SNRNP70: variants seen among roughly 807,000 people sequenced by gnomAD.
SNRNP70 encodes the protein small nuclear ribonucleoprotein U1 subunit 70.
In SNRNP70, 8 loss-of-function variants were observed where a neutral mutation model predicts 50.5. The ratio of observed to expected loss-of-function variants is 0.16; its 90% CI spans 0.09 to 0.29. SNRNP70 has a LOEUF of 0.29. SNRNP70 is among the 10% of genes least tolerant of loss of function. The pLI, the probability that SNRNP70 is intolerant of heterozygous loss-of-function variation, is 1.00. For synonymous variants in SNRNP70, 320 were observed against 252.9 expected (o/e 1.27, Z -2.52); for missense variants, 529 against 663.5 (o/e 0.80, Z 2.23).
chr19:49,100,130 T>G (rs974384332), intron 6 of SNRNP70, among the ~76,000 whole-genome samples: 7 of 152,208 alleles, frequency 4.6e-5, no homozygotes, highest in Admixed American at 2.6e-4. Flanking sequence ...AATGGCGAAC[T>G]AGCCATCCTT....
At chr19:49,094,989 C>G (rs962365940) in intron 4 of SNRNP70, among the ~76,000 whole-genome samples, 3 of 152,244 alleles carry the variant, frequency 2.0e-5, no homozygotes, top group East Asian at 3.8e-4. Flanking sequence ...AGCCCTCAAC[C>G]AGTGATGTCC....
rs558435915 is a variant in SNRNP70 at position 49,105,649 on chromosome 19, C to T, written c.577+914C>T. The stretch of plus-strand genomic sequence containing the variant: ...GGCTGAGGCAGAGAATTGCTTAAAC[C>T]TGGGAGGCAGAGGTTGCAGTGAGCC... On this transcript the variant is annotated intron_variant, in intron 8 of 9. Transcript: ENST00000598441. Among the ~76,000 whole-genome samples, 14 of 152,204 alleles carry T rather than the reference C, an allele frequency of 9.2e-5. No individual in the cohort carries two copies. The South Asian group carries it at 2.9e-3, about 32-fold the overall frequency.
chr19:49,087,689 A>G (rs184607822), intron 2 of SNRNP70: 115 of 152,336 alleles, frequency 7.5e-4, no homozygotes, highest in Admixed American at 4.1e-3. Context: ...CACAGTCGGA[A>G]GTTACAAGAA....
Position 49,107,982 on chromosome 19 carries a change from G to T in SNRNP70, c.853G>T (p.Asp285Tyr). ...CTCCAGGGAGCGGAGCAAGGACAAGGACCGGGACCGGAAGCGGCGAAGCAG... is the reference window on the plus strand; with the variant it reads ...CTCCAGGGAGCGGAGCAAGGACAAGTACCGGGACCGGAAGCGGCGAAGCAG... ...RRSRERSKDKDRDRKRRSSRS... is the reference protein window; with the variant it reads ...RRSRERSKDKYRDRKRRSSRS... The change falls in exon 10 of 10, where the codon GAC (aspartate) becomes TAC (tyrosine). Residue 285 changes from aspartate (D) to tyrosine (Y), a missense_variant. Transcript: ENST00000598441. This position sits in a 1 kb window ranked among gnomAD's most constrained non-coding sequence, Gnocchi z 6.0. The T allele has an allele frequency of 1.3e-6, 2 of 1,547,946 alleles. No individual in the cohort carries two copies. Among genetic ancestry groups the T allele is most frequent in the Non-Finnish European group, 1.7e-6 (2 of 1,146,134 alleles).
chr19:49,086,302 G>T, intron 1 of SNRNP70, 103 bp from the exon 2 acceptor site: 2 of 1,339,808 alleles, frequency 1.5e-6, no homozygotes, highest in South Asian at 2.9e-5. Context: ...TTTTAATTCC[G>T]AGACTTTTCT....
rs924170933 is a variant in SNRNP70 at position 49,096,531 on chromosome 19, C to T, written c.266-1896C>T. The stretch of plus-strand genomic sequence containing the variant: ...CTGTAATGCCAGCACTTTGGGAGGC[C>T]GAGGCAGGCAGATCACCTGAGGTCA... On this transcript the variant is annotated intron_variant, in intron 4 of 9. Transcript: ENST00000598441. Among the ~76,000 whole-genome samples, 11 of 152,072 alleles carry T rather than the reference C, an allele frequency of 7.2e-5. No individual in the cohort carries two copies. The East Asian group carries it at 9.7e-4, about 13-fold the overall frequency.
intron 6 of SNRNP70, among the ~76,000 whole-genome samples, chr19:49,100,344 C>G (rs537889547): frequency 2.0e-5 from 3 of 152,194 alleles, no homozygotes; most frequent in Non-Finnish European, 4.4e-5. Context: ...CTGCCACCAT[C>G]TGGCCTTCCA....
At chr19:49,105,830 G>A (rs1019786139) in intron 8 of SNRNP70, among the ~76,000 whole-genome samples, 11 of 152,312 alleles carry the variant, frequency 7.2e-5, no homozygotes, top group Middle Eastern at 3.4e-3. Context: ...CAGCTAGGTC[G>A]GTCCCATGCC....
intron 7 of SNRNP70, chr19:49,102,406 G>A: frequency 3.4e-6 from 1 of 290,482 alleles, no homozygotes; most frequent in South Asian, 2.9e-5. Flanking sequence ...GAACCTGGTG[G>A]GAAAGGCGGC....
intron 6 of SNRNP70, among the ~76,000 whole-genome samples, chr19:49,098,988 TGGCTGCTACTGTTGTAA>T (rs1160430210): frequency 6.6e-6 from 1 of 152,206 alleles, no homozygotes; most frequent in African/African-American, 2.4e-5. Context: ...ACATTGTCTT[TGGCTGCTACTGTTGTAA>T]GGCAGGGTTG....
At chr19:49,105,476 C>T (rs1427535448) in intron 8 of SNRNP70, among the ~76,000 whole-genome samples, 1 of 151,958 alleles carries the variant, frequency 6.6e-6, no homozygotes, top group East Asian at 1.9e-4. Flanking sequence ...CGCCTGTAAT[C>T]CCAGCACTTT....
At chr19:49,095,276 C>G (rs1390650070) in intron 4 of SNRNP70, among the ~76,000 whole-genome samples, 2 of 152,372 alleles carry the variant, frequency 1.3e-5, no homozygotes, top group East Asian at 3.9e-4. Flanking sequence ...TCGTCCACTC[C>G]CCAGCCCTGC....
intron 4 of SNRNP70, among the ~76,000 whole-genome samples, chr19:49,092,704 C>T (rs761237247): frequency 2.0e-5 from 3 of 152,088 alleles, no homozygotes; most frequent in Non-Finnish European, 2.9e-5. Context: ...CCACCGCAGC[C>T]GGCCTAGTTT....
chr19:49,094,004 T>A (rs1326378087), intron 4 of SNRNP70, among the ~76,000 whole-genome samples: 1 of 151,850 alleles, frequency 6.6e-6, no homozygotes, highest in Non-Finnish European at 1.5e-5. Context: ...GCCCGGGCAA[T>A]AAGAGCAAGA....
intron 8 of SNRNP70, among the ~76,000 whole-genome samples, chr19:49,105,833 C>T (rs2040660345): frequency 6.6e-6 from 1 of 152,230 alleles, no homozygotes; most frequent in South Asian, 2.1e-4. Context: ...CTAGGTCGGT[C>T]CCATGCCTCT....
chr19:49,102,422 C>T (rs1180874690), intron 7 of SNRNP70: 1 of 282,470 alleles, frequency 3.5e-6, no homozygotes, highest in Non-Finnish European at 7.3e-6. Flanking sequence ...GCGGCGGCCT[C>T]TCCGCTTGGG....
intron 4 of SNRNP70, among the ~76,000 whole-genome samples, chr19:49,095,300 C>G (rs1252661597): frequency 6.6e-6 from 1 of 152,224 alleles, no homozygotes; most frequent in Non-Finnish European, 1.5e-5. Flanking sequence ...ATTCATTGGT[C>G]CCACTGTCAT....
In SNRNP70 at chr19:49,086,411, C is replaced by G; in HGVS notation, c.-4C>G. On this transcript the variant is annotated 5_prime_UTR_variant, in exon 2 of 10. Coordinates refer to ENST00000598441, the MANE Select transcript of SNRNP70 (RefSeq NM_003089.6). The stretch of plus-strand genomic sequence containing the variant: ...GTCCTGCTTCTGCTCTCAGACTTGG[C>G]AAGATGACCCAGTTCCTGCCGCCCA... The G allele has an allele frequency of 6.2e-7, 1 of 1,612,018 alleles. No individual in the cohort carries two copies. Among genetic ancestry groups the G allele is most frequent in the Non-Finnish European group, 8.5e-7 (1 of 1,178,808 alleles).
chr19:49,093,682 A>C (rs1600276955), intron 4 of SNRNP70, among the ~76,000 whole-genome samples: 1 of 142,312 alleles, frequency 7.0e-6, no homozygotes, highest in Non-Finnish European at 1.6e-5. Flanking sequence ...CCATCTCAAA[A>C]AAAAAAAAAA....
Sources: allele counts gnomAD v4.1 joint callset (sites outside exome capture counted in the v4.1 genomes callset), GRCh38; gene constraint gnomAD v4.1.1; non-coding constraint Gnocchi (gnomAD v3.1); transcripts MANE v1.5; gene names NCBI Gene and HGNC (gene_info 2026-07-23, HGNC 2026-07-21).